The following SOS1 variants were observed in gnomAD, a reference collection of about 807,000 sequenced individuals.
SOS1 encodes the protein son of sevenless homolog 1.
Under a neutral mutation model 157.6 loss-of-function variants are expected in SOS1, and 25 were observed. The ratio of observed to expected loss-of-function variants is 0.16; its 90% confidence interval spans 0.12 to 0.22. The LOEUF (loss-of-function observed/expected upper bound fraction) is 0.22. Ranked by LOEUF, SOS1 falls within the 10% of genes least tolerant of loss-of-function variation. The pLI, the probability that SOS1 is intolerant of heterozygous loss-of-function variation, is 1.00. For missense variants in SOS1, 1,237 were observed against 1,599.1 expected (o/e 0.77, Z 3.86); for synonymous variants, 528 against 534.0 (o/e 0.99, Z 0.16).
chr2:39,103,009 G>C (rs946975688), intron 1 of SOS1, among the ~76,000 whole-genome samples: 2 of 152,072 alleles, frequency 1.3e-5, no homozygotes, highest in African/African-American at 4.8e-5. Context: ...CTATGCATAT[G>C]CAATGAATAA....
At chr2:38,991,447 G>A (rs998971655) in intron 20 of SOS1, among the ~76,000 whole-genome samples, 15 of 152,190 alleles carry the variant, frequency 9.9e-5, no homozygotes, top group Non-Finnish European at 2.1e-4. Flanking sequence ...TTATGACCAG[G>A]CAATCTTCAA....
chr2:39,046,111 T>A (rs555708838), intron 6 of SOS1, among the ~76,000 whole-genome samples: 99 of 152,354 alleles, frequency 6.5e-4, no homozygotes, highest in Admixed American at 1.6e-3. Flanking sequence ...TGGATTTTTT[T>A]ATATCATATC....
chr2:39,054,870 C>A (rs754697135), intron 4 of SOS1, 47 bp from the exon 5 acceptor site: 3 of 1,010,618 alleles, frequency 3.0e-6, no homozygotes, highest in Non-Finnish European at 3.1e-6. Flanking sequence ...ATGAAGCTTT[C>A]GTAGAATTTG....
rs558934822 is a variant in SOS1 at position 38,992,429 on chromosome 2, C to T, written c.3346+2694G>A. 3 of 152,214 alleles carry T rather than the reference C, an allele frequency of 2.0e-5. No homozygotes were observed. The South Asian group carries it at 6.2e-4, about 32-fold the overall frequency. The allele number at this position is 152,214 out of a possible 1,614,324, so 9.4% of individuals were successfully genotyped here. A position where few individuals can be genotyped will look rare whatever the true frequency, so the allele number is the denominator to read the frequency against. On this transcript the variant is annotated intron_variant, in intron 20 of 22. Coordinates refer to ENST00000402219, the MANE Select transcript of SOS1 (RefSeq NM_005633.4). ...AAGTCTAAGATTACAAAGCCTAACT[C>T]CTGAAACAATGTTTTCTCCACCTGT... is the stretch of plus-strand genomic sequence containing the variant.
intron 1 of SOS1, among the ~76,000 whole-genome samples, chr2:39,102,610 T>C (rs566884065): frequency 6.6e-6 from 1 of 151,276 alleles, no homozygotes; most frequent in South Asian, 2.1e-4. Flanking sequence ...CAACAAGGAT[T>C]TTGAAGTCCA....
At position 39,007,258 on chromosome 2, in the gene SOS1, A is replaced by T. The variant is rs570612413; in HGVS notation, c.2511-65T>A. On this transcript the variant is annotated intron_variant, in intron 15 of 22. Coordinates refer to ENST00000402219, the MANE Select transcript of SOS1 (RefSeq NM_005633.4). ...TTTCCAATAAAGTTATAGCTTAAAGAATTTAGTAAATAAAATAATGTAGAG... is the reference window on the plus strand; with the variant it reads ...TTTCCAATAAAGTTATAGCTTAAAGTATTTAGTAAATAAAATAATGTAGAG... 6.3e-5 allele frequency: 64 copies of T among 1,023,704 alleles called. 1 individual carries two copies. Among genetic ancestry groups the T allele is most frequent in the South Asian group, 1.7e-4 (13 of 78,336 alleles). 63.4% of individuals were successfully genotyped at this position (1,023,704 alleles called of 1,614,324 possible).
intron 1 of SOS1, among the ~76,000 whole-genome samples, chr2:39,091,201 G>T (rs553037443): frequency 1.2e-4 from 19 of 152,086 alleles, no homozygotes; most frequent in Non-Finnish European, 2.8e-4. Context: ...CCTCTCAGGT[G>T]GGACCAACAC....
In SOS1 at chr2:39,010,728, A is replaced by G. The variant is rs367873091; in HGVS notation, c.2391-25T>C. 108 of 1,585,306 alleles carry G rather than the reference A, an allele frequency of 6.8e-5. No homozygotes were observed. The African/African-American group carries it at 1.0e-3, about 15-fold the overall frequency. Reference sequence around the variant, plus strand: ...TCTAAAATCATCAATACATAATTCTACATGACACTTTTTTCTCTAATATAG... The same window carrying G: ...TCTAAAATCATCAATACATAATTCTGCATGACACTTTTTTCTCTAATATAG... On this transcript the variant is annotated intron_variant, in intron 14 of 22. Coordinates refer to ENST00000402219, the MANE Select transcript of SOS1 (RefSeq NM_005633.4).
intron 1 of SOS1, among the ~76,000 whole-genome samples, chr2:39,097,848 A>T (rs1672825926): frequency 6.6e-6 from 1 of 152,228 alleles, no homozygotes; most frequent in Non-Finnish European, 1.5e-5. Context: ...TACAGGTGTG[A>T]GCCACTTTGC....
intron 8 of SOS1, among the ~76,000 whole-genome samples, chr2:39,028,622 A>G (rs1048416087): frequency 3.9e-5 from 6 of 152,226 alleles, no homozygotes; most frequent in Admixed American, 2.0e-4. Flanking sequence ...TTTTCACTAT[A>G]ATAGGTACCC....
chr2:39,091,720 A>C (rs1672605341), intron 1 of SOS1, among the ~76,000 whole-genome samples: 1 of 151,982 alleles, frequency 6.6e-6, no homozygotes, highest in African/African-American at 2.4e-5. Flanking sequence ...AGGCTTCTCC[A>C]CCCAGGGCTG....
In SOS1 at chr2:38,997,678, T is replaced by A. The variant is rs13009013; in HGVS notation, c.2792-253A>T. Among the ~76,000 whole-genome samples the A allele has an allele frequency of 0.043, 6,596 of 151,998 alleles. 207 individuals are homozygous for A. Among genetic ancestry groups the A allele is most frequent in the Non-Finnish European group, 0.07 (4,765 of 67,946 alleles). On this transcript the variant is annotated intron_variant, in intron 17 of 22. Coordinates refer to ENST00000402219, the MANE Select transcript of SOS1 (RefSeq NM_005633.4). The stretch of plus-strand genomic sequence containing the variant: ...GTGGGATACATATTTTTTATTTTTT[T>A]ATTTTTTTTAGAAAGACTTAAATTT...
intron 6 of SOS1, among the ~76,000 whole-genome samples, chr2:39,037,077 A>C (rs1401235147): frequency 6.6e-6 from 1 of 152,248 alleles, no homozygotes; most frequent in African/African-American, 2.4e-5. Flanking sequence ...TAAACTTCCA[A>C]GTCATACTGG....
chr2:39,084,356 C>A (rs535431800), intron 1 of SOS1, among the ~76,000 whole-genome samples: 4 of 152,006 alleles, frequency 2.6e-5, no homozygotes, highest in East Asian at 1.9e-4. Flanking sequence ...CTCAAAAAAA[C>A]CACATATACA....
At chr2:39,009,097 AG>A (rs1205177693) in intron 15 of SOS1, among the ~76,000 whole-genome samples, 1 of 152,164 alleles carries the variant, frequency 6.6e-6, no homozygotes, top group Non-Finnish European at 1.5e-5. Flanking sequence ...AGCATGAAAA[AG>A]AAGGAAAGGA....
At chr2:39,118,266 G>C (rs1008439286) in intron 1 of SOS1, among the ~76,000 whole-genome samples, 3 of 152,224 alleles carry the variant, frequency 2.0e-5, no homozygotes, top group African/African-American at 7.2e-5. Flanking sequence ...GTAAGAGTAA[G>C]AGAACACAAG....
chr2:39,120,291 G>A (rs994981876), intron 1 of SOS1, 45 bp downstream of exon 1: 2 of 1,520,704 alleles, frequency 1.3e-6, no homozygotes, highest in Non-Finnish European at 8.8e-7. Context: ...CAGCGCCCGC[G>A]CTGGGGGGCT....
At chr2:39,016,240 T>G (rs1250428562) in intron 10 of SOS1, among the ~76,000 whole-genome samples, 1 of 152,114 alleles carries the variant, frequency 6.6e-6, no homozygotes, top group Non-Finnish European at 1.5e-5. Context: ...AATACTATTT[T>G]AAGTTAAAGA....
chr2:39,067,847 G>T (rs55649188), intron 1 of SOS1, 94 bp from the exon 2 acceptor site: 1 of 1,106,298 alleles, frequency 9.0e-7, no homozygotes, highest in Admixed American at 1.7e-5. Flanking sequence ...GGCCGGGCAC[G>T]GTGGCTCATG....
Sources: allele counts gnomAD v4.1 joint callset (sites outside exome capture counted in the v4.1 genomes callset), GRCh38; gene constraint gnomAD v4.1.1; transcripts MANE v1.5; gene names NCBI Gene and HGNC (gene_info 2026-07-23, HGNC 2026-07-21).